The following NRG3 variants were observed in gnomAD, a reference collection of about 807,000 sequenced individuals.
NRG3 encodes pro-neuregulin-3, membrane-bound isoform.
In NRG3, 31 loss-of-function variants were observed where a neutral mutation model predicts 66.9. That is an observed-to-expected ratio of 0.46 (90% confidence interval 0.35 to 0.63). NRG3 has a LOEUF of 0.63. NRG3 is among the 20% of genes least tolerant of loss of function. The pLI, the probability that NRG3 is intolerant of heterozygous loss-of-function variation, is 0.00. For synonymous variants in NRG3, 393 were observed against 359.4 expected (o/e 1.09, Z -1.06); for missense variants, 910 against 878.9 (o/e 1.04, Z -0.45).
chr10:82,567,277 TA>T (rs200655713), intron 2 of NRG3, among the ~76,000 whole-genome samples: 16,487 of 152,016 alleles, frequency 0.11, 922 homozygotes, highest in African/African-American at 0.13. Context: ...CCACTAAGGA[TA>T]TTTCTCATGA....
intron 2 of NRG3, among the ~76,000 whole-genome samples, chr10:82,534,313 G>A (rs572064593): frequency 2.6e-5 from 4 of 151,418 alleles, no homozygotes; most frequent in Non-Finnish European, 4.4e-5. Flanking sequence ...CCAGGCTGGA[G>A]GGCAGTGATG....
At chr10:82,555,238 T>C (rs1030517857) in intron 2 of NRG3, among the ~76,000 whole-genome samples, 9 of 152,170 alleles carry the variant, frequency 5.9e-5, no homozygotes, top group African/African-American at 2.2e-4. Context: ...GTTTTGCAAA[T>C]ACAGATTACT....
chr10:82,502,977 G>T (rs1844341540), intron 2 of NRG3, among the ~76,000 whole-genome samples: 1 of 152,092 alleles, frequency 6.6e-6, no homozygotes, highest in Admixed American at 6.6e-5. Flanking sequence ...TGATTTGTCT[G>T]ATATGTTGTG....
At chr10:81,895,325 T>C (rs779747359) in intron 1 of NRG3, among the ~76,000 whole-genome samples, 6 of 152,178 alleles carry the variant, frequency 3.9e-5, no homozygotes, top group Non-Finnish European at 8.8e-5. Flanking sequence ...CTTGAAAATG[T>C]TATATCATAG....
At chr10:82,124,743 AG>A (rs2068319848) in intron 1 of NRG3, among the ~76,000 whole-genome samples, 1 of 151,316 alleles carries the variant, frequency 6.6e-6, no homozygotes, top group Admixed American at 6.6e-5. Context: ...AAAAAAAAAA[AG>A]TTTAACAAGT....
chr10:81,975,735 TTA>T (rs1196724961), intron 1 of NRG3, among the ~76,000 whole-genome samples: 1 of 152,142 alleles, frequency 6.6e-6, no homozygotes, highest in African/African-American at 2.4e-5. Context: ...TAAGACTATG[TTA>T]TGTTACATGT....
intron 1 of NRG3, among the ~76,000 whole-genome samples, chr10:82,204,186 G>A (rs1356057740): frequency 6.6e-6 from 1 of 152,142 alleles, no homozygotes; most frequent in African/African-American, 2.4e-5. Context: ...TAGAATCTGA[G>A]GGGCTGGCAG....
chr10:81,976,286 A>G (rs1347151369), intron 1 of NRG3, among the ~76,000 whole-genome samples: 1 of 152,146 alleles, frequency 6.6e-6, no homozygotes, highest in Non-Finnish European at 1.5e-5. Flanking sequence ...AGGTTAGCTA[A>G]TAGGCACTAT....
At chr10:82,434,565 A>G (rs1311001119) in intron 2 of NRG3, among the ~76,000 whole-genome samples, 1 of 152,136 alleles carries the variant, frequency 6.6e-6, no homozygotes, top group South Asian at 2.1e-4. Flanking sequence ...CTCATTCAAT[A>G]TGATATTGGC....
intron 2 of NRG3, among the ~76,000 whole-genome samples, chr10:82,641,238 T>G (rs918937017): frequency 3.3e-5 from 5 of 152,176 alleles, no homozygotes; most frequent in African/African-American, 1.2e-4. Context: ...ATCACTAAAC[T>G]ACCCAAATAA....
Position 82,905,305 on chromosome 10 carries a change from A to G in NRG3, c.1054+39868A>G, listed in dbSNP as rs546055227. Among the ~76,000 whole-genome samples the G allele has an allele frequency of 2.6e-5, 4 of 152,230 alleles. No individual in the cohort carries two copies. The South Asian group carries it at 8.3e-4, about 32-fold the overall frequency. The stretch of plus-strand genomic sequence containing the variant: ...AGTTTCTCTCCGATTGTCTTAATCC[A>G]TCCAGTCCTCCATTCCATTTCCTAG... On this transcript the variant is annotated intron_variant, in intron 4 of 8. Transcript: ENST00000372141.
At chr10:82,062,225 T>G (rs532576034) in intron 1 of NRG3, among the ~76,000 whole-genome samples, 3 of 152,076 alleles carry the variant, frequency 2.0e-5, no homozygotes, top group Non-Finnish European at 4.4e-5. Flanking sequence ...GCTCATTTCT[T>G]TATTATCTGC....
intron 1 of NRG3, among the ~76,000 whole-genome samples, chr10:82,085,028 T>A (rs2065635097): frequency 1.3e-5 from 2 of 152,078 alleles, no homozygotes; most frequent in South Asian, 4.1e-4. Flanking sequence ...AATATTTAAG[T>A]TGAATTGTTA....
intron 2 of NRG3, among the ~76,000 whole-genome samples, chr10:82,547,913 A>T (rs1027899795): frequency 1.3e-5 from 2 of 152,132 alleles, no homozygotes; most frequent in Non-Finnish European, 2.9e-5. Context: ...GTGAACTTTT[A>T]ATAATTCAGA....
chr10:81,958,158 C>A (rs1850016876), intron 1 of NRG3, among the ~76,000 whole-genome samples: 1 of 152,116 alleles, frequency 6.6e-6, no homozygotes, highest in African/African-American at 2.4e-5. Flanking sequence ...ATAGAATGGC[C>A]ACATCCTGTT....
chr10:82,305,489 G>A (rs1166848845), intron 1 of NRG3, among the ~76,000 whole-genome samples: 1 of 152,076 alleles, frequency 6.6e-6, no homozygotes, highest in Non-Finnish European at 1.5e-5. Flanking sequence ...TTAACTTATG[G>A]AGGAGTGGCA....
chr10:82,764,455 T>A (rs1322900618), intron 3 of NRG3, among the ~76,000 whole-genome samples: 1 of 151,282 alleles, frequency 6.6e-6, no homozygotes, highest in Non-Finnish European at 1.5e-5. Context: ...CACTGCAACC[T>A]GTGTTCAAGC....
intron 2 of NRG3, among the ~76,000 whole-genome samples, chr10:82,449,840 T>G (rs1176731026): frequency 6.6e-6 from 1 of 152,052 alleles, no homozygotes; most frequent in Non-Finnish European, 1.5e-5. Flanking sequence ...AGAGTGAAGA[T>G]CAAAACAATA....
At chr10:81,991,721 T>A (rs2060748650) in intron 1 of NRG3, among the ~76,000 whole-genome samples, 1 of 152,178 alleles carries the variant, frequency 6.6e-6, no homozygotes, top group Non-Finnish European at 1.5e-5. Flanking sequence ...GATTGCTATT[T>A]GATGATATTT....
Sources: gnomAD v4.1 joint callset for allele counts (sites outside exome capture counted in the v4.1 genomes callset) on GRCh38, gnomAD v4.1.1 for gene constraint, MANE v1.5 for transcripts, NCBI Gene and HGNC (gene_info 2026-07-23, HGNC 2026-07-21) for gene names.